Variants in SMYD4 observed in about 807,000 individuals in gnomAD.
The protein encoded by SMYD4 is SET and MYND domain containing 4, also known as protein-lysine N-methyltransferase SMYD4.
Under a neutral mutation model 72.8 loss-of-function variants are expected in SMYD4, and 68 were observed. That is an observed-to-expected ratio of 0.93 (90% CI 0.77 to 1.14). SMYD4 has a LOEUF of 1.14. Ranked by LOEUF, SMYD4 falls within the 50% of genes most tolerant of loss-of-function variation. The probability of loss-of-function intolerance (pLI) is 0.00; values close to 1 mark genes in which losing one functional copy is unlikely to be tolerated. For synonymous variants in SMYD4, 407 were observed against 388.6 expected (o/e 1.05, Z -0.56); for missense variants, 984 against 1,003.7 (o/e 0.98, Z 0.27).
At chr17:1,799,737 A>G in intron 5 of SMYD4, 120 bp downstream of exon 5, 4 of 958,094 alleles carry the variant, frequency 4.2e-6, no homozygotes, top group Non-Finnish European at 6.0e-6. Context: ...AAGACAGCTT[A>G]GTGATCCCAT....
intron 5 of SMYD4, among the ~76,000 whole-genome samples, chr17:1,792,875 T>C (rs35820841): frequency 0.35 from 52,858 of 151,914 alleles, 11,575 homozygotes; most frequent in Non-Finnish European, 0.5. Context: ...ATTTATAAGA[T>C]TGGGCAAACA....
chr17:1,788,962 T>C (rs1908857268), intron 5 of SMYD4, among the ~76,000 whole-genome samples: 1 of 152,198 alleles, frequency 6.6e-6, no homozygotes, highest in African/African-American at 2.4e-5. Flanking sequence ...AGGCAAATTG[T>C]GTTTCTAACA....
In SMYD4 at chr17:1,783,152, C is replaced by T. The variant is rs2151217331; in HGVS notation, c.2144G>A (p.Trp715Ter). 1 of 1,614,154 alleles carries T rather than the reference C, an allele frequency of 6.2e-7. No individual in the cohort carries two copies. Among genetic ancestry groups the T allele is most frequent in the East Asian group, 2.2e-5 (1 of 44,880 alleles). ...LARACAALGD[W>*]QKSATHLQRS... ...CTGTAGATGGGTGGCTGACTTTTGC[C>T]AGTCTCCTGTGAGAAGAGAAAAATC... is the stretch of plus-strand genomic sequence containing the variant. Residue 715 changes from tryptophan to a stop codon, truncating the protein, a stop_gained, in exon 10 of 11, where the codon TGG (tryptophan) becomes TAG (stop). Transcript: ENST00000305513. LOFTEE classifies it high-confidence loss of function.
intron 5 of SMYD4, 30 bp from the exon 6 acceptor site, chr17:1,787,634 G>C (rs1418215650): frequency 1.9e-6 from 3 of 1,541,082 alleles, no homozygotes; most frequent in Admixed American, 2.0e-5. Context: ...GAAGGAAAAA[G>C]GTGTCAGCAC....
chr17:1,781,705 C>T (rs1908374557), intron 10 of SMYD4: 4 of 232,870 alleles, frequency 1.7e-5, no homozygotes, highest in South Asian at 1.8e-4. Context: ...ACAAGAGTTT[C>T]ACTCTTGTCG....
intron 10 of SMYD4, chr17:1,782,690 G>A (rs1447756289): frequency 2.0e-5 from 4 of 204,244 alleles, no homozygotes; most frequent in Non-Finnish European, 3.9e-5. Flanking sequence ...AGGGTGGGTG[G>A]GGCTGCCTGG....
intron 10 of SMYD4, chr17:1,781,831 C>A: frequency 5.8e-6 from 1 of 171,296 alleles, no homozygotes; most frequent in Admixed American, 5.9e-5. Flanking sequence ...CACACCCGGC[C>A]TCAAAGTTTT....
In SMYD4 at chr17:1,779,573, T is replaced by C. The variant is rs1399771748; in HGVS notation, c.*1713A>G. ...GTCTTTACTACAACTTTGATTTTAT[T>C]AGTGGTTGGTTACTGACTCTGCCAA... On this transcript the variant is annotated 3_prime_UTR_variant, in exon 11 of 11. Coordinates refer to ENST00000305513, the MANE Select transcript of SMYD4 (RefSeq NM_052928.3). The C allele has an allele frequency of 6.6e-6, 1 of 152,260 alleles. No individual in the cohort carries two copies. Among genetic ancestry groups the C allele is most frequent in the African/African-American group, 2.4e-5 (1 of 41,458 alleles). 9.4% of individuals were successfully genotyped at this position (152,260 alleles called of 1,614,324 possible).
chr17:1,781,619 G>T, intron 10 of SMYD4, 180 bp from the exon 11 acceptor site: 5 of 530,128 alleles, frequency 9.4e-6, no homozygotes, highest in Admixed American at 3.9e-5. Context: ...TGAGAAAACA[G>T]TTATAAAAGA....
At chr17:1,794,096 TATATA>T (rs1909248473) in intron 5 of SMYD4, among the ~76,000 whole-genome samples, 2 of 22,286 alleles carry the variant, frequency 9.0e-5, no homozygotes, top group East Asian at 7.6e-4. Context: ...TATATATATA[TATATA>T]TATATTTTTT....
chr17:1,823,163 G>A (rs2151255130), intron 2 of SMYD4, among the ~76,000 whole-genome samples: 1 of 147,944 alleles, frequency 6.8e-6, no homozygotes, highest in Admixed American at 6.8e-5. Flanking sequence ...GAGGTCAGGA[G>A]ATCAAGACCA....
At chr17:1,801,657 T>A (rs1909764135) in intron 4 of SMYD4, among the ~76,000 whole-genome samples, 1 of 147,092 alleles carries the variant, frequency 6.8e-6, no homozygotes, top group African/African-American at 2.5e-5. Context: ...GAGGCAGGCT[T>A]TGAGTCCAAG....
intron 3 of SMYD4, among the ~76,000 whole-genome samples, chr17:1,805,302 C>A (rs1170530907): frequency 6.6e-6 from 1 of 151,990 alleles, no homozygotes; most frequent in Non-Finnish European, 1.5e-5. Context: ...CCTGTAATCC[C>A]AGCTACTTGG....
chr17:1,794,057 G>GTATATATATATATGTA (rs752397865), intron 5 of SMYD4, among the ~76,000 whole-genome samples: 1 of 46,796 alleles, frequency 2.1e-5, no homozygotes, highest in African/African-American at 6.5e-5. Flanking sequence ...ATATATGTGT[G>GTATATATATATATGTA]TATATATATG....
chr17:1,823,393 CAAAAAAAAAAAAAAA>C (rs57044082), intron 2 of SMYD4, among the ~76,000 whole-genome samples: 1 of 65,586 alleles, frequency 1.5e-5, no homozygotes, highest in Non-Finnish European at 2.7e-5. Context: ...GACTCCGTCT[CAAAAAAAAAAAAAAA>C]AAAAAAAAAA....
intron 2 of SMYD4, among the ~76,000 whole-genome samples, chr17:1,822,653 G>A (rs1239554200): frequency 1.3e-5 from 2 of 152,070 alleles, no homozygotes; most frequent in African/African-American, 4.8e-5. Flanking sequence ...TAGAGACAGG[G>A]TTTCATTCAC....
chr17:1,793,346 T>G (rs1003365409), intron 5 of SMYD4, among the ~76,000 whole-genome samples: 3 of 152,128 alleles, frequency 2.0e-5, no homozygotes, highest in Non-Finnish European at 2.9e-5. Context: ...CAATGACAAT[T>G]TCACTTGTTC....
chr17:1,807,488 G>A (rs546082170), intron 3 of SMYD4, among the ~76,000 whole-genome samples: 1 of 151,890 alleles, frequency 6.6e-6, no homozygotes, highest in South Asian at 2.1e-4. Context: ...AGCCTCCTGA[G>A]TAGCTGGGAG....
At position 1,781,454 on chromosome 17, in the gene SMYD4, G is replaced by A; in HGVS notation, c.2262-15C>T. The stretch of plus-strand genomic sequence containing the variant: ...GTACTGCAAACCTGAGCCAAGGGAG[G>A]TAAGAGGAGTTAGTTCACTGATTTG... On this transcript the variant is annotated splice_polypyrimidine_tract_variant and intron_variant, in intron 10 of 10. Coordinates refer to ENST00000305513, the MANE Select transcript of SMYD4 (RefSeq NM_052928.3). 1 of 1,610,932 alleles carries A rather than the reference G, an allele frequency of 6.2e-7. No individual in the cohort carries two copies. The highest frequency in any genetic ancestry group is 1.1e-5 in the South Asian group (1 of 90,492).
Sources: allele counts gnomAD v4.1 joint callset (sites outside exome capture counted in the v4.1 genomes callset), GRCh38; gene constraint gnomAD v4.1.1; transcripts MANE v1.5; gene names NCBI Gene and HGNC (gene_info 2026-07-23, HGNC 2026-07-21).